The following ZNF248 variants were observed in gnomAD, a reference collection of about 807,000 sequenced individuals.
The protein encoded by ZNF248 is zinc finger protein 248, also known as KRAB protein domain.
A neutral mutation model predicts 44.3 loss-of-function variants in ZNF248; 20 were observed. The ratio of observed to expected loss-of-function variants is 0.45; its 90% CI spans 0.32 to 0.66. The LOEUF is 0.66. Ranked by LOEUF, ZNF248 falls within the 30% of genes least tolerant of loss-of-function variation. The pLI is 0.04. For synonymous variants in ZNF248, 224 were observed against 229.0 expected (o/e 0.98, Z 0.20); for missense variants, 654 against 677.0 (o/e 0.97, Z 0.38).
downstream of ZNF248, among the ~76,000 whole-genome samples, chr10:37,773,288 G>C (rs1018737070): frequency 1.3e-5 from 2 of 152,180 alleles, no homozygotes; most frequent in African/African-American, 4.8e-5. Context: ...AGAATCAGAA[G>C]AGACTGTTTT....
At chr10:37,820,097 CATCA>C in intron 6 of ZNF248, 1 of 884,788 alleles carries the variant, frequency 1.1e-6, no homozygotes, top group Non-Finnish European at 1.9e-6. Context: ...TTTTGCTGTT[CATCA>C]ATCTGCTGTG....
chr10:37,764,134 T>C, the ZNF248 span, among the ~76,000 whole-genome samples: 2 of 152,184 alleles, frequency 1.3e-5, no homozygotes, highest in African/African-American at 4.8e-5. Context: ...AGGAGAAATA[T>C]CACTGAATTC....
Position 37,818,984 on chromosome 10 carries a change from G to A in ZNF248, c.330+14041C>T, listed in dbSNP as rs949059954. ...GGTTCTTTCTCAACCACAAAACTCTGGTGTTAAATTGCAATAAGTGCCAGC... is the reference window on the plus strand; with the variant it reads ...GGTTCTTTCTCAACCACAAAACTCTAGTGTTAAATTGCAATAAGTGCCAGC... On this transcript the variant is annotated intron_variant, in intron 6 of 6. Coordinates refer to the ZNF248 transcript ENST00000615949. 8.8e-6 allele frequency: 9 copies of A among 1,024,276 alleles called. No homozygotes were observed. In the Admixed American group the frequency reaches 1.2e-4, roughly 14 times the overall value. The allele number at this position is 1,024,276 out of a possible 1,614,324, so 63.4% of individuals were successfully genotyped here.
chr10:37,765,616 C>T, the ZNF248 span, among the ~76,000 whole-genome samples: 1 of 152,144 alleles, frequency 6.6e-6, no homozygotes, highest in Non-Finnish European at 1.5e-5. Context: ...CACAAATCAC[C>T]ACATTAATAA....
At chr10:37,783,226 T>C (rs1002340430) in intron 6 of ZNF248, among the ~76,000 whole-genome samples, 3 of 152,116 alleles carry the variant, frequency 2.0e-5, no homozygotes, top group East Asian at 1.9e-4. Flanking sequence ...TACCTAGCAA[T>C]AGACAATTCT....
the ZNF248 span, among the ~76,000 whole-genome samples, chr10:37,767,225 C>T: frequency 6.6e-6 from 1 of 152,074 alleles, no homozygotes; most frequent in Non-Finnish European, 1.5e-5. Flanking sequence ...GGAGAACTTC[C>T]CCAATCTAAC....
At chr10:37,785,438 G>GCATAAA (rs2047773884) in intron 6 of ZNF248, among the ~76,000 whole-genome samples, 2 of 152,130 alleles carry the variant, frequency 1.3e-5, no homozygotes, top group Non-Finnish European at 2.9e-5. Context: ...AGTTTATTGT[G>GCATAAA]CAACAAAAAT....
downstream of ZNF248, among the ~76,000 whole-genome samples, chr10:37,827,550 T>C (rs1054321471): frequency 6.6e-6 from 1 of 152,162 alleles, no homozygotes; most frequent in African/African-American, 2.4e-5. Context: ...GAATGCAAGA[T>C]CTGAGAAGAG....
intron 6 of ZNF248, chr10:37,820,821 A>G (rs1380994612): frequency 1.7e-6 from 2 of 1,186,482 alleles, no homozygotes; most frequent in East Asian, 4.7e-5. Context: ...CTGATTTTCC[A>G]ACTCTTGAAT....
rs756813243 is a variant in ZNF248, at chr10:37,831,599, T to C, written c.*16A>G. ...CTGTATAACCAATTTCACAAGTGTA[T>C]GAAGGCTTCTAACATTCAGGATGTT... is the stretch of plus-strand genomic sequence containing the variant. On this transcript the variant is annotated 3_prime_UTR_variant, in exon 6 of 6. Transcript: ENST00000395867. The C allele has an allele frequency of 6.2e-7, 1 of 1,608,090 alleles. No individual in the cohort carries two copies. The highest frequency in any genetic ancestry group is 8.5e-7 in the Non-Finnish European group (1 of 1,175,872).
intron 3 of ZNF248, among the ~76,000 whole-genome samples, chr10:37,854,138 G>C (rs1415070665): frequency 6.6e-6 from 1 of 152,180 alleles, no homozygotes; most frequent in Non-Finnish European, 1.5e-5. Context: ...ATGCATAAAA[G>C]TATTAGAATA....
intron 6 of ZNF248, chr10:37,795,213 A>T (rs1385200151): frequency 6.6e-6 from 1 of 152,210 alleles, no homozygotes; most frequent in Non-Finnish European, 1.5e-5. Context: ...TATAGTTTTC[A>T]TACACTGAGG....
At chr10:37,856,274 A>C in intron 3 of ZNF248, 22 bp downstream of exon 3, 3 of 1,611,658 alleles carry the variant, frequency 1.9e-6, no homozygotes, top group Non-Finnish European at 2.5e-6. Flanking sequence ...ACAAACTGGG[A>C]ATAAAGAAAC....
chr10:37,808,891 T>C (rs1049753597), intron 6 of ZNF248, among the ~76,000 whole-genome samples: 3 of 152,128 alleles, frequency 2.0e-5, no homozygotes, highest in African/African-American at 7.2e-5. Context: ...TCATTACTGA[T>C]GCAGTCTCCT....
intron 3 of ZNF248, among the ~76,000 whole-genome samples, chr10:37,847,094 G>T (rs1344608370): frequency 6.6e-6 from 1 of 152,190 alleles, no homozygotes; most frequent in Non-Finnish European, 1.5e-5. Flanking sequence ...GGAGTGCAGT[G>T]GCACAATCTC....
At chr10:37,819,678 G>A in intron 6 of ZNF248, 1 of 792,154 alleles carries the variant, frequency 1.3e-6, no homozygotes, top group Non-Finnish European at 2.3e-6. Context: ...TTTTTAAGAT[G>A]ACCTAACCGG....
downstream of ZNF248, among the ~76,000 whole-genome samples, chr10:37,826,909 T>C (rs1258353352): frequency 9.8e-5 from 15 of 152,336 alleles, no homozygotes; most frequent in Admixed American, 9.2e-4. Flanking sequence ...CAGGCTCATA[T>C]ATATTGGTTA....
At chr10:37,776,656 G>T in intron 6 of ZNF248, 1 of 393,490 alleles carries the variant, frequency 2.5e-6, no homozygotes, top group South Asian at 1.3e-4. Flanking sequence ...AAACTCTGAA[G>T]GCACTGACTA....
At chr10:37,796,379 CTT>C (rs201345857) in intron 6 of ZNF248, among the ~76,000 whole-genome samples, 2 of 143,406 alleles carry the variant, frequency 1.4e-5, no homozygotes, top group East Asian at 2.0e-4. Context: ...CTACAGCTGG[CTT>C]TTTTTTTTTG....
Sources: allele counts gnomAD v4.1 joint callset (sites outside exome capture counted in the v4.1 genomes callset), GRCh38; gene constraint gnomAD v4.1.1; transcripts MANE v1.5; gene names NCBI Gene and HGNC (gene_info 2026-07-23, HGNC 2026-07-21).